LIG3: variants seen among roughly 807,000 people sequenced by gnomAD.
LIG3 encodes the protein DNA ligase 3, also known as ligase II, DNA, ATP-dependent.
Under a neutral mutation model 110.9 loss-of-function variants are expected in LIG3, and 58 were observed. That is an observed-to-expected ratio of 0.52 (90% CI 0.42 to 0.65). The LOEUF is 0.65. Among genes scored for constraint, LIG3 ranks in the 30% least tolerant of loss-of-function variants. LIG3 has a pLI of 0.00. For missense variants in LIG3, 1,094 were observed against 1,273.8 expected (o/e 0.86, Z 2.15); for synonymous variants, 422 against 472.8 (o/e 0.89, Z 1.39).
At chr17:34,988,231 G>T (rs2090680314) in intron 3 of LIG3, among the ~76,000 whole-genome samples, 2 of 150,680 alleles carry the variant, frequency 1.3e-5, no homozygotes, top group African/African-American at 4.9e-5. Context: ...GAGGTTGGTT[G>T]GTTTGTTGTT....
rs1412539983 is a variant in LIG3, at chr17:34,980,583, G to A, written c.-44G>A. 2.3e-6 allele frequency: 3 copies of A among 1,287,174 alleles called. No individual in the cohort carries two copies. The highest frequency in any genetic ancestry group is 3.0e-6 in the Non-Finnish European group (3 of 987,666). The allele number at this position is 1,287,174 out of a possible 1,614,324, so 79.7% of individuals were successfully genotyped here. A position where few individuals can be genotyped will look rare whatever the true frequency, so the allele number is the denominator to read the frequency against. ...GCTGCCCGCGGCCTGTAATGAGCAA[G>A]TTCCGAGGCCTACGGTGAGCGCCGG... On this transcript the variant is annotated 5_prime_UTR_variant, in exon 1 of 20. Coordinates refer to ENST00000378526, the MANE Select transcript of LIG3 (RefSeq NM_013975.4).
chr17:34,994,389 C>A lies in LIG3; in HGVS notation c.1569C>A (p.Phe523Leu). The A allele has an allele frequency of 1.2e-6, 2 of 1,614,184 alleles. No homozygotes were observed. The highest frequency in any genetic ancestry group is 1.7e-4 in the Middle Eastern group (1 of 6,058). Reference protein sequence around the residue: ...RVQVHKNGDHFSYFSRSLKPV... With the variant: ...RVQVHKNGDHLSYFSRSLKPV... The stretch of plus-strand genomic sequence containing the variant: ...AGGTGCATAAGAATGGAGACCACTT[C>A]AGCTACTTCAGCCGCAGTCTCAAGC... The change falls in exon 9 of 20, where the codon TTC becomes TTA. Residue 523 changes from phenylalanine (F) to leucine (L), a missense_variant. Physicochemically the swap from Phe to Leu is conservative, Grantham distance 22. Transcript: ENST00000378526.
intron 2 of LIG3, among the ~76,000 whole-genome samples, chr17:34,984,967 A>G (rs1042851343): frequency 1.3e-5 from 2 of 151,994 alleles, no homozygotes; most frequent in East Asian, 3.9e-4. Flanking sequence ...TAGTAGAGAC[A>G]GGGTTTCACC....
rs139471581 is a variant in LIG3, at chr17:34,983,175, T to C, written c.170T>C (p.Leu57Pro). 3.1e-5 allele frequency: 50 copies of C among 1,614,210 alleles called. No homozygotes were observed. Among genetic ancestry groups the C allele is most frequent in the Non-Finnish European group, 4.2e-5 (49 of 1,180,036 alleles). The stretch of plus-strand genomic sequence containing the variant: ...CTCTTCCTGAGAAGAAAGCCTGTTC[T>C]ATCATTCCAGGGAAGCCATCTAAGA... ...HPLFLRRKPVLSFQGSHLRSR... is the reference protein window; with the variant it reads ...HPLFLRRKPVPSFQGSHLRSR... Residue 57 changes from leucine (L) to proline (P), a missense_variant, in exon 2 of 20, where the codon CTA becomes CCA. Physicochemically the swap from Leu to Pro is moderately conservative, Grantham distance 98. Coordinates refer to ENST00000378526, the MANE Select transcript of LIG3 (RefSeq NM_013975.4).
At chr17:34,985,106 A>C (rs2090641953) in intron 2 of LIG3, among the ~76,000 whole-genome samples, 1 of 152,236 alleles carries the variant, frequency 6.6e-6, no homozygotes, top group Admixed American at 6.5e-5. Flanking sequence ...TTCAGCAGAC[A>C]GAGCTAGAAA....
intron 19 of LIG3, chr17:35,003,943 CTG>C: frequency 3.3e-6 from 1 of 304,530 alleles, no homozygotes; most frequent in Non-Finnish European, 6.3e-6. Flanking sequence ...GGGGACATCA[CTG>C]AGTCTGGGGG....
rs1567696294 is a variant in LIG3 at position 35,004,597 on chromosome 17, G to A, written c.*91G>A. The A allele has an allele frequency of 9.3e-7, 1 of 1,078,714 alleles. No homozygotes were observed. The highest frequency in any genetic ancestry group is 1.4e-6 in the Non-Finnish European group (1 of 725,456). The allele number at this position is 1,078,714 out of a possible 1,614,324, so 66.8% of individuals were successfully genotyped here. A position where few individuals can be genotyped will look rare whatever the true frequency, so the allele number is the denominator to read the frequency against. ...CTGGAGGCAGATAGACACAGTATAG[G>A]GGGAATGGGCTTGCTTCTCCCAAAC... On this transcript the variant is annotated 3_prime_UTR_variant, in exon 20 of 20. Transcript: ENST00000378526.
At chr17:35,000,677 A>G (rs143143108) in intron 16 of LIG3, among the ~76,000 whole-genome samples, 29 of 133,308 alleles carry the variant, frequency 2.2e-4, no homozygotes, top group Middle Eastern at 5.4e-3. Flanking sequence ...GTGCAGTGGC[A>G]TGATCTCATC....
intron 6 of LIG3, 47 bp from the exon 7 acceptor site, chr17:34,991,911 G>T: frequency 6.2e-7 from 1 of 1,613,386 alleles, no homozygotes; most frequent in Non-Finnish European, 8.5e-7. Context: ...TTCCCTTGGG[G>T]TTCCAGAGCT....
At chr17:35,010,351 G>A (rs753706643), downstream of LIG3, 12 of 152,222 alleles carry the variant, frequency 7.9e-5, no homozygotes, top group Admixed American at 1.3e-4. Flanking sequence ...GCTTGGCCAC[G>A]CTTCTGCAGC....
intron 14 of LIG3, 107 bp downstream of exon 14, chr17:34,998,834 C>T: frequency 7.2e-7 from 1 of 1,384,182 alleles, no homozygotes; most frequent in Middle Eastern, 2.5e-4. Flanking sequence ...CCAGTTATGA[C>T]TTCCGAAGTC....
rs2090586330 is a variant in LIG3 at position 34,981,138 on chromosome 17, T to G, written c.-5+516T>G. ...CTCAGCGATTTCCTTCTCGGGCCCC[T>G]GGGCTGCGGCAGTTGTGAGGGTGCG... On this transcript the variant is annotated intron_variant, in intron 1 of 19. Coordinates refer to ENST00000378526, the MANE Select transcript of LIG3 (RefSeq NM_013975.4). 2.0e-5 allele frequency: 3 copies of G among 152,336 alleles called. No homozygotes were observed. In the South Asian group the frequency reaches 6.2e-4, roughly 32 times the overall value. The allele number at this position is 152,336 out of a possible 1,614,324, so 9.4% of individuals were successfully genotyped here.
chr17:34,987,501 G>T (rs1160975963), intron 3 of LIG3, among the ~76,000 whole-genome samples: 1 of 152,210 alleles, frequency 6.6e-6, no homozygotes, highest in Non-Finnish European at 1.5e-5. Context: ...GATTGACTCA[G>T]CTGAAGAAAA....
rs1419952606 is a variant in LIG3 at position 35,009,524 on chromosome 17, A to C, written c.*5018A>C. On this transcript the variant is annotated 3_prime_UTR_variant, in exon 20 of 20. Coordinates refer to ENST00000378526, the MANE Select transcript of LIG3 (RefSeq NM_013975.4). Reference sequence around the variant, plus strand: ...AAAAATCAAATTTTAGACCTTGGTTAAATATTAACTGGAATGGGATCTTGG... The same window carrying C: ...AAAAATCAAATTTTAGACCTTGGTTCAATATTAACTGGAATGGGATCTTGG... 1 of 152,174 alleles carries C rather than the reference A, an allele frequency of 6.6e-6. No individual in the cohort carries two copies. The highest frequency in any genetic ancestry group is 1.9e-4 in the East Asian group (1 of 5,198). 9.4% of individuals were successfully genotyped at this position (152,174 alleles called of 1,614,324 possible).
intron 1 of LIG3, chr17:34,981,681 C>G (rs899980672): frequency 2.0e-5 from 3 of 152,250 alleles, no homozygotes; most frequent in African/African-American, 7.2e-5. Flanking sequence ...TATTCCAGGT[C>G]CACCAGCTTT....
At chr17:35,004,132 A>G in intron 19 of LIG3, 141 bp from the exon 20 acceptor site, 1 of 631,938 alleles carries the variant, frequency 1.6e-6, no homozygotes, top group Non-Finnish European at 2.8e-6. Flanking sequence ...GGGTGGGGGT[A>G]TTGATGCATG....
chr17:34,996,623 T>G lies in LIG3; in HGVS notation c.1793T>G (p.Ile598Ser). 6.2e-7 allele frequency: 1 copy of G among 1,614,142 alleles called. No homozygotes were observed. Among genetic ancestry groups the G allele is most frequent in the Non-Finnish European group, 8.5e-7 (1 of 1,180,016 alleles). Residue 598 changes from isoleucine (I) to serine (S), a missense_variant, in exon 11 of 20, where the codon ATC (isoleucine) becomes AGC (serine). Transcript: ENST00000378526. ...GTCTGCCTGTTTGTTTTTGATTGTA[T>G]CTACTTTAATGATGTCAGCTTGATG... ...ANVCLFVFDC[I>S]YFNDVSLMDR...
intron 1 of LIG3, among the ~76,000 whole-genome samples, chr17:34,982,732 A>C (rs1182292192): frequency 6.6e-6 from 1 of 151,850 alleles, no homozygotes; most frequent in Admixed American, 6.6e-5. Flanking sequence ...CTGATGGCCT[A>C]AAAAGAGCTT....
Position 35,007,796 on chromosome 17 carries a change from A to G in LIG3, c.*3290A>G, listed in dbSNP as rs2090906114. ...ATTCAGGCTGGAGTGCAGTGGTGCA[A>G]TCTCAGCTCACTGCAACCTCTGCTT... On this transcript the variant is annotated 3_prime_UTR_variant, in exon 20 of 20. Coordinates refer to ENST00000378526, the MANE Select transcript of LIG3 (RefSeq NM_013975.4). 1 of 151,168 alleles carries G rather than the reference A, an allele frequency of 6.6e-6. No individual in the cohort carries two copies. The highest frequency in any genetic ancestry group is 2.1e-4 in the South Asian group (1 of 4,782). The allele number at this position is 151,168 out of a possible 1,614,324, so 9.4% of individuals were successfully genotyped here.
Sources: allele counts gnomAD v4.1 joint callset (sites outside exome capture counted in the v4.1 genomes callset), GRCh38; gene constraint gnomAD v4.1.1; transcripts MANE v1.5; gene names NCBI Gene and HGNC (gene_info 2026-07-23, HGNC 2026-07-21).